The following MYO15A variants were observed in gnomAD, a reference collection of about 807,000 sequenced individuals.
MYO15A encodes unconventional myosin-XV.
MYO15A carries 308 observed loss-of-function variants against 394.6 expected under a neutral mutation model. That is an observed-to-expected ratio of 0.78 (90% CI 0.71 to 0.86). MYO15A has a LOEUF of 0.86. Among genes scored for constraint, MYO15A ranks in the 40% least tolerant of loss-of-function variants. MYO15A has a pLI of 0.00. For synonymous variants in MYO15A, 1,957 were observed against 2,003.8 expected, an observed-to-expected ratio of 0.98 and a Z score of 0.62; for missense variants, 4,606 against 4,799.1, an observed-to-expected ratio of 0.96 and a Z score of 1.19.
rs1045143036 is a variant in MYO15A, at chr17:18,150,176, G to A, written c.7213-253G>A. Among the ~76,000 whole-genome samples the A allele has an allele frequency of 6.6e-6, 1 of 151,994 alleles. No individual in the cohort carries two copies. The highest frequency in any genetic ancestry group is 1.5e-5 in the Non-Finnish European group (1 of 67,992). On this transcript the variant is annotated intron_variant, in intron 35 of 65. Transcript: ENST00000647165. The surrounding 1 kb of genome is among the most constrained non-coding windows in gnomAD (Gnocchi z 4.4). Reference sequence around the variant, plus strand: ...TGGCATGATATGCAGCCCTGAGCAGGGCACAACCCCTCCTTGAGCCTCAGT... The same window carrying A: ...TGGCATGATATGCAGCCCTGAGCAGAGCACAACCCCTCCTTGAGCCTCAGT...
At position 18,150,938 on chromosome 17, in the gene MYO15A, A is replaced by G; in HGVS notation, c.7473+25A>G. 2 of 1,609,128 alleles carry G rather than the reference A, an allele frequency of 1.2e-6. No homozygotes were observed. Among genetic ancestry groups the G allele is most frequent in the South Asian group, 2.2e-5 (2 of 90,682 alleles). Reference sequence around the variant, plus strand: ...GGTGAGCCTGGCCTGCCCAGGGTGCAGGGGTTGCTTGGAGACACAAGCTGT... The same window carrying G: ...GGTGAGCCTGGCCTGCCCAGGGTGCGGGGGTTGCTTGGAGACACAAGCTGT... On this transcript the variant is annotated intron_variant, in intron 38 of 65. Transcript: ENST00000647165. The surrounding 1 kb of genome is among the most constrained non-coding windows in gnomAD (Gnocchi z 4.4).
At chr17:18,162,509 G>T (rs1462270203) in intron 57 of MYO15A, 76 bp from the exon 58 acceptor site, 4 of 1,327,888 alleles carry the variant, frequency 3.0e-6, no homozygotes, top group African/African-American at 1.4e-5. Context: ...GTGGGCTCAT[G>T]GTTGGTGGCA....
intron 53 of MYO15A, 25 bp from the exon 54 acceptor site, chr17:18,159,250 A>T: frequency 6.2e-7 from 1 of 1,612,886 alleles, no homozygotes; most frequent in Non-Finnish European, 8.5e-7. Flanking sequence ...CTCCTCCATC[A>T]TGACACAGCC....
intron 7 of MYO15A, among the ~76,000 whole-genome samples, chr17:18,127,671 G>A (rs1226951720): frequency 6.6e-6 from 1 of 151,998 alleles, no homozygotes; most frequent in Non-Finnish European, 1.5e-5. Context: ...CTCTGAGCCT[G>A]AGAATGGTAG....
At chr17:18,139,189 T>C in intron 18 of MYO15A, 1 of 627,258 alleles carries the variant, frequency 1.6e-6, no homozygotes, top group Non-Finnish European at 2.9e-6. Context: ...TGATAAAGAG[T>C]AGCTCATCAA....
At chr17:18,112,641 C>T (rs957674507) in intron 1 of MYO15A, among the ~76,000 whole-genome samples, 6 of 152,194 alleles carry the variant, frequency 3.9e-5, no homozygotes, top group African/African-American at 9.6e-5. Context: ...CTCCTAGCTT[C>T]GAGTGATCCA....
Position 18,173,895 on chromosome 17 carries a change from C to T in MYO15A, c.10465C>T (p.Arg3489Cys), listed in dbSNP as rs770323358. The change falls in exon 65 of 66, where the codon CGC becomes TGC. Residue 3489 changes from arginine to cysteine, a missense_variant. Transcript: ENST00000647165. ...EIALGDVAAQRTLQLQLEQGL... is the reference protein window; with the variant it reads ...EIALGDVAAQCTLQLQLEQGL... ...TGCGCTGGGGGACGTGGCGGCCCAG[C>T]GCACCTTGCAGCTGCAGCTGGAGCA... The T allele has an allele frequency of 1.7e-5, 28 of 1,612,784 alleles. No individual in the cohort carries two copies. Among genetic ancestry groups the T allele is most frequent in the Admixed American group, 3.3e-5 (2 of 59,962 alleles).
chr17:18,154,288 T>A, intron 44 of MYO15A, 98 bp downstream of exon 44: 1 of 1,436,020 alleles, frequency 7.0e-7, no homozygotes, highest in Non-Finnish European at 9.7e-7. Context: ...CATGTTGGGA[T>A]TTGGGGTCCT....
At chr17:18,126,541 GC>G in intron 5 of MYO15A, 85 bp downstream of exon 5, 1 of 1,354,098 alleles carries the variant, frequency 7.4e-7, no homozygotes, top group Admixed American at 1.9e-5. Context: ...CTGCACCTGA[GC>G]CATGAGTCAG....
At chr17:18,115,846 C>T (rs1291446353) in intron 1 of MYO15A, among the ~76,000 whole-genome samples, 2 of 152,160 alleles carry the variant, frequency 1.3e-5, no homozygotes, top group African/African-American at 2.4e-5. Context: ...CAGGCTCTCT[C>T]CATGGCCCCA....
In MYO15A at chr17:18,154,674, C is replaced by T; in HGVS notation, c.8149-6C>T. ...GTGCTGCCTGCATCACAGCCTGTTC[C>T]CACAGATCCTGCACGACACGCTCTC... is the stretch of plus-strand genomic sequence containing the variant. On this transcript the variant is annotated splice_region_variant and splice_polypyrimidine_tract_variant and intron_variant, in intron 44 of 65. Coordinates refer to ENST00000647165, the MANE Select transcript of MYO15A (RefSeq NM_016239.4). The T allele has an allele frequency of 6.2e-7, 1 of 1,613,286 alleles. No homozygotes were observed. Among genetic ancestry groups the T allele is most frequent in the Non-Finnish European group, 8.5e-7 (1 of 1,180,028 alleles).
At position 18,154,154 on chromosome 17, in the gene MYO15A, C is replaced by CA. The variant is rs2046634670; in HGVS notation, c.8113dup (p.Ser2705LysfsTer7). 6.2e-7 allele frequency: 1 copy of CA among 1,613,982 alleles called. No homozygotes were observed. The highest frequency in any genetic ancestry group is 1.7e-5 in the Admixed American group (1 of 60,014). On this transcript the variant is annotated frameshift_variant, in exon 44 of 66. Transcript: ENST00000647165. LOFTEE classifies it high-confidence loss of function. ...AGGTGTTTTACCCCAAGGACAGCTA[C>CA]AGCCATCCTGTGCAGCTTGACCTCC...
rs1278117307 is a variant in MYO15A at position 18,121,240 on chromosome 17, G to C, written c.2440G>C (p.Ala814Pro). Reference protein sequence around the residue: ...GPFQPPFLPPARRPRSLQESP... With the variant: ...GPFQPPFLPPPRRPRSLQESP... ...CTTCCAGCCGCCCTTCCTGCCCCCG[G>C]CCCGCCGGCCCCGCTCGCTGCAGGA... Residue 814 changes from alanine to proline, a missense_variant, in exon 2 of 66, where the codon GCC becomes CCC. This residue lies in a region of MYO15A where 1,830 missense variants were observed against 1,689.7 expected (regional missense o/e 1.08). Coordinates refer to ENST00000647165, the MANE Select transcript of MYO15A (RefSeq NM_016239.4). The surrounding 1 kb of genome is among the most constrained non-coding windows in gnomAD (Gnocchi z 5.3). 6.8e-7 allele frequency: 1 copy of C among 1,476,716 alleles called. No individual in the cohort carries two copies. The highest frequency in any genetic ancestry group is 2.2e-5 in the Admixed American group (1 of 45,224). 91.5% of individuals were successfully genotyped at this position (1,476,716 alleles called of 1,614,324 possible). A position where few individuals can be genotyped will look rare whatever the true frequency, so the allele number is the denominator to read the frequency against.
intron 48 of MYO15A, among the ~76,000 whole-genome samples, chr17:18,156,556 G>A (rs1202828787): frequency 6.6e-6 from 1 of 152,206 alleles, no homozygotes; most frequent in African/African-American, 2.4e-5. Flanking sequence ...CACCTCCTCT[G>A]AGGTCTGCAG....
chr17:18,119,200 A>G lies in MYO15A; in HGVS notation c.400A>G (p.Ile134Val), dbSNP rs1459807839. 6.2e-7 allele frequency: 1 copy of G among 1,612,516 alleles called. No homozygotes were observed. The part of the protein sequence containing the change: ...ARSLSKASTA[I>V]NWLTKKFLLK... ...GTCACTCAGCAAAGCGTCCACGGCC[A>G]TCAACTGGCTCACAAAAAAGTTCCT... Residue 134 changes from isoleucine to valine, a missense_variant, in exon 2 of 66, where the codon ATC becomes GTC. Ile to Val is a conservative substitution (Grantham distance 29, BLOSUM62 3). This residue lies in a region of MYO15A where 1,830 missense variants were observed against 1,689.7 expected (regional missense o/e 1.08). Transcript: ENST00000647165.
At chr17:18,155,962 A>G in intron 47 of MYO15A, 3 of 583,106 alleles carry the variant, frequency 5.1e-6, no homozygotes, top group East Asian at 3.0e-5. Flanking sequence ...ACCAAGGGAC[A>G]AAGGGTGGAG....
Position 18,120,672 on chromosome 17 carries a change from G to A in MYO15A, c.1872G>A (p.Thr624=), listed in dbSNP as rs370722452. 14 of 1,582,136 alleles carry A rather than the reference G, an allele frequency of 8.8e-6. No individual in the cohort carries two copies. In the African/African-American group the frequency reaches 1.3e-4, roughly 15 times the overall value. The change falls in exon 2 of 66, where the codon ACG becomes ACA. Residue 624 remains threonine (T), a synonymous_variant. Coordinates refer to ENST00000647165, the MANE Select transcript of MYO15A (RefSeq NM_016239.4). ...LAGMDPEKPG[T]PIVLRRAQPR... is the part of the protein sequence containing the mutation. Reference sequence around the variant, plus strand: ...GCATGGACCCCGAGAAGCCCGGCACGCCCATCGTGCTGAGGAGGGCCCAGC... The same window carrying A: ...GCATGGACCCCGAGAAGCCCGGCACACCCATCGTGCTGAGGAGGGCCCAGC...
intron 27 of MYO15A, 22 bp from the exon 28 acceptor site, chr17:18,143,848 G>T: frequency 6.4e-7 from 1 of 1,571,798 alleles, no homozygotes; most frequent in Non-Finnish European, 8.6e-7. Flanking sequence ...AGCAGGCACC[G>T]CATTCCCTCC....
rs1409859442 is a variant in MYO15A at position 18,120,307 on chromosome 17, A to G, written c.1507A>G (p.Ile503Val). 6.2e-7 allele frequency: 1 copy of G among 1,612,220 alleles called. No individual in the cohort carries two copies. Among genetic ancestry groups the G allele is most frequent in the Non-Finnish European group, 8.5e-7 (1 of 1,179,948 alleles). Residue 503 changes from isoleucine (I) to valine (V), a missense_variant, in exon 2 of 66, where the codon ATT (isoleucine) becomes GTT (valine). Physicochemically the swap from Ile to Val is conservative, Grantham distance 29 (BLOSUM62 3). This residue lies in a region of MYO15A where 1,830 missense variants were observed against 1,689.7 expected (regional missense o/e 1.08). Transcript: ENST00000647165. ...GGTGCCCCTGCCACCCTCTCTGGAC[A>G]TTCCTCTCCCCTTGGGGGATGCGGA... The part of the protein sequence containing the change: ...LEVPLPPSLD[I>V]PLPLGDADEE...
Sources: gnomAD v4.1 joint callset for allele counts (sites outside exome capture counted in the v4.1 genomes callset) on GRCh38, gnomAD v4.1.1 for gene constraint, gnomAD v4.1.1 regional missense constraint, Gnocchi (gnomAD v3.1) non-coding constraint, MANE v1.5 for transcripts, NCBI Gene and HGNC (gene_info 2026-07-23, HGNC 2026-07-21) for gene names.